Variants in IL6R observed in about 807,000 individuals in gnomAD.
IL6R encodes the protein interleukin 6 receptor.
A neutral mutation model predicts 48.3 loss-of-function variants in IL6R; 38 were observed. The ratio of observed to expected loss-of-function variants is 0.79; its 90% CI spans 0.61 to 1.03. The LOEUF (loss-of-function observed/expected upper bound fraction) is 1.03. IL6R is among the 50% of genes least tolerant of loss of function. The pLI is 0.00. For missense variants in IL6R, 534 were observed against 618.3 expected (o/e 0.86, Z 1.45); for synonymous variants, 264 against 256.2 (o/e 1.03, Z -0.29).
intron 3 of IL6R, among the ~76,000 whole-genome samples, chr1:154,431,477 G>A (rs1239261403): frequency 6.6e-6 from 1 of 152,172 alleles, no homozygotes; most frequent in African/African-American, 2.4e-5. Flanking sequence ...ACTTATGATA[G>A]TTTAATTTAT....
chr1:154,407,737 G>C (rs897880753), intron 1 of IL6R, among the ~76,000 whole-genome samples: 1 of 152,094 alleles, frequency 6.6e-6, no homozygotes, highest in Non-Finnish European at 1.5e-5. Flanking sequence ...TGTTTTCCTC[G>C]GGATCAGCTG....
chr1:154,428,124 G>A (rs80219185), intron 1 of IL6R, among the ~76,000 whole-genome samples: 3,080 of 152,296 alleles, frequency 0.02, 107 homozygotes, highest in African/African-American at 0.069. Context: ...TGAGTCCAAG[G>A]TGGTTGGGCT....
Position 154,449,146 on chromosome 1 carries a change from C to T in IL6R, c.997-765C>T, listed in dbSNP as rs369330314. ...TCCTGACCTCATGATCCACCCGCCT[C>T]GGCCTCCCAAAGTGCTGGGATTACA... On this transcript the variant is annotated intron_variant, in intron 7 of 9. Coordinates refer to ENST00000368485, the MANE Select transcript of IL6R (RefSeq NM_000565.4). 6.9e-3 allele frequency among the ~76,000 whole-genome samples: 999 copies of T among 145,510 alleles called. 12 individuals are homozygous for T. Among genetic ancestry groups the T allele is most frequent in the African/African-American group, 0.024 (944 of 39,906 alleles).
chr1:154,440,704 G>T (rs1041074580), intron 6 of IL6R, among the ~76,000 whole-genome samples: 1 of 143,430 alleles, frequency 7.0e-6, no homozygotes, highest in Non-Finnish European at 1.5e-5. Flanking sequence ...ACCCAGTCTG[G>T]AGTGCAGTGG....
At position 154,439,188 on chromosome 1, in the gene IL6R, C is replaced by G. The variant is rs144745834; in HGVS notation, c.949+3078C>G. On this transcript the variant is annotated intron_variant, in intron 6 of 9. Coordinates refer to ENST00000368485, the MANE Select transcript of IL6R (RefSeq NM_000565.4). ...CCTATTTTACCTTTTATTCCAACCACTTAGTTCAGATAGTCACAAGCAGCT... is the reference window on the plus strand; with the variant it reads ...CCTATTTTACCTTTTATTCCAACCAGTTAGTTCAGATAGTCACAAGCAGCT... 5.5e-3 allele frequency among the ~76,000 whole-genome samples: 831 copies of G among 152,220 alleles called. 4 individuals are homozygous for G. Among genetic ancestry groups the G allele is most frequent in the African/African-American group, 0.019 (778 of 41,524 alleles).
Position 154,457,959 on chromosome 1 carries a change from T to C in IL6R, c.1160+3378T>C, listed in dbSNP as rs1236644723. On this transcript the variant is annotated intron_variant, in intron 9 of 9. Coordinates refer to ENST00000368485, the MANE Select transcript of IL6R (RefSeq NM_000565.4). ...GTTTTCACTTTTTTTCTTTTTCTTTTTCTTTTTCTTTTTTTTTTTTTTTTT... is the reference window on the plus strand; with the variant it reads ...GTTTTCACTTTTTTTCTTTTTCTTTCTCTTTTTCTTTTTTTTTTTTTTTTT... Among the ~76,000 whole-genome samples the C allele has an allele frequency of 6.8e-5, 5 of 73,546 alleles. No homozygotes were observed. The Admixed American group carries it at 8.2e-4, about 12-fold the overall frequency. The allele number at this position is 73,546 out of a possible 152,430, so 48.2% of individuals were successfully genotyped here. A position where few individuals can be genotyped will look rare whatever the true frequency, so the allele number is the denominator to read the frequency against.
At position 154,434,687 on chromosome 1, in the gene IL6R, G is replaced by C; in HGVS notation, c.627G>C (p.Gln209His). 3 of 1,614,010 alleles carry C rather than the reference G, an allele frequency of 1.9e-6. No homozygotes were observed. Among genetic ancestry groups the C allele is most frequent in the Non-Finnish European group, 2.5e-6 (3 of 1,179,942 alleles). ...AGTTCAGCAAAACTCAAACCTTTCAGGGTTGTGGAATCTGTACGTAAGCTC... is the reference window on the plus strand; with the variant it reads ...AGTTCAGCAAAACTCAAACCTTTCACGGTTGTGGAATCTGTACGTAAGCTC... ...GSKFSKTQTF[Q>H]GCGILQPDPP... The change falls in exon 4 of 10, where the codon CAG becomes CAC. Residue 209 changes from glutamine (Q) to histidine (H), a missense_variant. Coordinates refer to ENST00000368485, the MANE Select transcript of IL6R (RefSeq NM_000565.4).
At chr1:154,413,835 C>G (rs1199108359) in intron 1 of IL6R, among the ~76,000 whole-genome samples, 2 of 139,464 alleles carry the variant, frequency 1.4e-5, no homozygotes, top group East Asian at 2.1e-4. Context: ...TTCCATCTCT[C>G]TCTCTCTCTC....
Position 154,440,635 on chromosome 1 carries a change from A to G in IL6R, c.949+4525A>G, listed in dbSNP as rs111615538. 4.2e-3 allele frequency among the ~76,000 whole-genome samples: 604 copies of G among 144,070 alleles called. 7 individuals are homozygous for G. Among genetic ancestry groups the G allele is most frequent in the Middle Eastern group, 0.015 (4 of 268 alleles). The allele number at this position is 144,070 out of a possible 152,430, so 94.5% of individuals were successfully genotyped here. On this transcript the variant is annotated intron_variant, in intron 6 of 9. Transcript: ENST00000368485. ...TTATCTCACTGTGGTTTTGATTTGC[A>G]TTTCCCTAATGATTAATGTCTTTTT...
intron 1 of IL6R, among the ~76,000 whole-genome samples, chr1:154,424,413 A>G (rs1216627105): frequency 6.6e-6 from 1 of 152,192 alleles, no homozygotes; most frequent in African/African-American, 2.4e-5. Context: ...ACCTTCATGC[A>G]TCCTGCACTT....
chr1:154,435,611 T>A (rs989336533), intron 5 of IL6R, among the ~76,000 whole-genome samples: 1 of 152,208 alleles, frequency 6.6e-6, no homozygotes, highest in Non-Finnish European at 1.5e-5. Flanking sequence ...TGTTTTAAGC[T>A]TTCTGAGCCT....
intron 9 of IL6R, among the ~76,000 whole-genome samples, chr1:154,458,903 A>G (rs1212382424): frequency 1.3e-5 from 2 of 151,476 alleles, no homozygotes; most frequent in African/African-American, 4.8e-5. Context: ...TCCATCTCAA[A>G]AAAAAAAAAA....
At chr1:154,461,786 G>T (rs571880239) in intron 9 of IL6R, among the ~76,000 whole-genome samples, 2 of 152,200 alleles carry the variant, frequency 1.3e-5, no homozygotes, top group East Asian at 3.9e-4. Flanking sequence ...CAAGGAATTT[G>T]GGGCTAGGGT....
Position 154,435,080 on chromosome 1 carries a change from G to T in IL6R, c.731G>T (p.Trp244Leu), listed in dbSNP as rs1307120525. ...LSVTWQDPHS[W>L]NSSFYRLRFE... ...GTCACCTGGCAAGACCCCCACTCCT[G>T]GAACTCATCTTTCTACAGACTACGG... The change falls in exon 5 of 10, where the codon TGG becomes TTG. Residue 244 changes from tryptophan to leucine, a missense_variant. Coordinates refer to ENST00000368485, the MANE Select transcript of IL6R (RefSeq NM_000565.4). The T allele has an allele frequency of 6.2e-7, 1 of 1,614,036 alleles. No individual in the cohort carries two copies. The highest frequency in any genetic ancestry group is 8.5e-7 in the Non-Finnish European group (1 of 1,180,004).
In IL6R at chr1:154,434,711, T is replaced by C. The variant is rs759876571; in HGVS notation, c.640+11T>C. The C allele has an allele frequency of 1.9e-6, 3 of 1,608,336 alleles. No individual in the cohort carries two copies. Among genetic ancestry groups the C allele is most frequent in the Non-Finnish European group, 2.5e-6 (3 of 1,176,656 alleles). ...AGGGTTGTGGAATCTGTACGTAAGC[T>C]CTAACCCCCTCTCCAGCAGTTTCCT... On this transcript the variant is annotated intron_variant, in intron 4 of 9. Coordinates refer to ENST00000368485, the MANE Select transcript of IL6R (RefSeq NM_000565.4).
chr1:154,464,165 T>TA (rs202140262), intron 9 of IL6R, among the ~76,000 whole-genome samples: 1 of 147,990 alleles, frequency 6.8e-6, no homozygotes, highest in Non-Finnish European at 1.5e-5. Flanking sequence ...TCTTTTTTTT[T>TA]ATTTTTGAGA....
chr1:154,417,064 G>A (rs1420116504), intron 1 of IL6R, among the ~76,000 whole-genome samples: 1 of 152,126 alleles, frequency 6.6e-6, no homozygotes, highest in Admixed American at 6.6e-5. Context: ...TGGAATGGGG[G>A]TGCGTACATC....
chr1:154,460,180 T>C (rs568287130), intron 9 of IL6R, among the ~76,000 whole-genome samples: 2 of 152,204 alleles, frequency 1.3e-5, no homozygotes, highest in Non-Finnish European at 2.9e-5. Context: ...GTAAAATAGA[T>C]AAAAGGTGGA....
Position 154,431,940 on chromosome 1 carries a change from C to T in IL6R, c.458+1334C>T, listed in dbSNP as rs553754689. Among the ~76,000 whole-genome samples the T allele has an allele frequency of 3.3e-5, 5 of 152,214 alleles. No homozygotes were observed. The South Asian group carries it at 1.0e-3, about 32-fold the overall frequency. On this transcript the variant is annotated intron_variant, in intron 3 of 9. Coordinates refer to ENST00000368485, the MANE Select transcript of IL6R (RefSeq NM_000565.4). Reference sequence around the variant, plus strand: ...CTGAAGTGATTATTTATGGAATTTCCCATTTAATATTTTTGGACCGCAGTT... The same window carrying T: ...CTGAAGTGATTATTTATGGAATTTCTCATTTAATATTTTTGGACCGCAGTT...
Sources: allele counts gnomAD v4.1 joint callset (sites outside exome capture counted in the v4.1 genomes callset), GRCh38; gene constraint gnomAD v4.1.1; transcripts MANE v1.5; gene names NCBI Gene and HGNC (gene_info 2026-07-23, HGNC 2026-07-21).